The following ACTR3C variants were observed in gnomAD, a reference collection of about 807,000 sequenced individuals.
The protein encoded by ACTR3C is actin related protein 3C.
Under a neutral mutation model 26.3 loss-of-function variants are expected in ACTR3C, and 18 were observed. That is an observed-to-expected ratio of 0.68 (90% CI 0.47 to 1.01). ACTR3C has a LOEUF of 1.01. ACTR3C is among the 50% of genes least tolerant of loss of function. ACTR3C has a pLI of 0.00. For synonymous variants in ACTR3C, 55 were observed against 94.5 expected, an observed-to-expected ratio of 0.58 and a Z score of 2.42; for missense variants, 184 against 250.7, an observed-to-expected ratio of 0.73 and a Z score of 1.80.
chr7:150,193,948 T>TA, the ACTR3C span, among the ~76,000 whole-genome samples: 134 of 141,600 alleles, frequency 9.5e-4, no homozygotes, highest in African/African-American at 2.0e-3. Flanking sequence ...ATGCCTGCTT[T>TA]AAAAAAATAT....
the ACTR3C span, among the ~76,000 whole-genome samples, chr7:150,180,197 C>G: frequency 6.9e-6 from 1 of 145,196 alleles, no homozygotes; most frequent in Admixed American, 6.7e-5. Context: ...CCCAGCTACT[C>G]GGGAGGCTGA....
At chr7:150,089,397 A>G in the ACTR3C span, among the ~76,000 whole-genome samples, 1 of 152,228 alleles carries the variant, frequency 6.6e-6, no homozygotes, top group South Asian at 2.1e-4. Context: ...ATTGCTAGAA[A>G]GTAGGACAGT....
At chr7:150,159,802 G>T in the ACTR3C span, among the ~76,000 whole-genome samples, 386 of 150,728 alleles carry the variant, frequency 2.6e-3, 1 homozygote, top group Non-Finnish European at 4.3e-3. Flanking sequence ...TTGTTTGTTT[G>T]TTTTTTTGTT....
At chr7:150,066,671 A>G in the ACTR3C span, among the ~76,000 whole-genome samples, 12 of 152,240 alleles carry the variant, frequency 7.9e-5, no homozygotes, top group Non-Finnish European at 1.6e-4. Context: ...CAGTAAAATC[A>G]TCTCAATGAG....
At chr7:150,048,257 C>A in the ACTR3C span, among the ~76,000 whole-genome samples, 2 of 152,202 alleles carry the variant, frequency 1.3e-5, no homozygotes, top group Non-Finnish European at 2.9e-5. Context: ...TAGAAACCCG[C>A]ACACATTCCG....
At chr7:150,184,593 C>T in the ACTR3C span, among the ~76,000 whole-genome samples, 1 of 150,362 alleles carries the variant, frequency 6.7e-6, no homozygotes, top group Non-Finnish European at 1.5e-5. Context: ...AGGACAGCAT[C>T]CTAGAGAGAT....
chr7:150,089,842 G>C, the ACTR3C span, among the ~76,000 whole-genome samples: 1 of 152,230 alleles, frequency 6.6e-6, no homozygotes, highest in Admixed American at 6.5e-5. Flanking sequence ...CACAAGTCTG[G>C]CATGAAAGCC....
At chr7:150,041,826 A>G in the ACTR3C span, among the ~76,000 whole-genome samples, 2 of 135,886 alleles carry the variant, frequency 1.5e-5, no homozygotes, top group South Asian at 2.5e-4. Context: ...GGGTACTAAG[A>G]GCCAGGGGTG....
At chr7:149,926,175 G>A in the ACTR3C span, among the ~76,000 whole-genome samples, 3 of 152,114 alleles carry the variant, frequency 2.0e-5, no homozygotes, top group Non-Finnish European at 4.4e-5. Context: ...GAATAAATCC[G>A]ATTGCCTAAA....
At chr7:150,237,810 A>G in the ACTR3C span, among the ~76,000 whole-genome samples, 2 of 151,028 alleles carry the variant, frequency 1.3e-5, no homozygotes, top group African/African-American at 4.9e-5. Flanking sequence ...CATACCCTAG[A>G]AGTCACCCAA....
At chr7:150,047,663 C>T in the ACTR3C span, 522 of 1,020,790 alleles carry the variant, frequency 5.1e-4, 1 homozygote, top group Non-Finnish European at 5.4e-4. Context: ...GCCGGCCATC[C>T]GCGCCGCCGC....
the ACTR3C span, among the ~76,000 whole-genome samples, chr7:150,207,775 A>T: frequency 2.5e-3 from 377 of 152,236 alleles, no homozygotes; most frequent in Non-Finnish European, 3.8e-3. Flanking sequence ...CAGTCTTCAG[A>T]CCTCAAATAA....
chr7:150,316,483 A>G (rs73170172), intron 1 of ACTR3C, among the ~76,000 whole-genome samples: 4 of 80,528 alleles, frequency 5.0e-5, no homozygotes, highest in Admixed American at 2.7e-4. Context: ...GAATCTGGTT[A>G]TTTTTTTTTT....
chr7:150,017,748 C>T, the ACTR3C span, among the ~76,000 whole-genome samples: 1 of 149,878 alleles, frequency 6.7e-6, no homozygotes, highest in Non-Finnish European at 1.5e-5. Context: ...TCCTTTCACC[C>T]GTTATCCCCC....
the ACTR3C span, among the ~76,000 whole-genome samples, chr7:150,113,009 C>T: frequency 1.3e-5 from 2 of 152,154 alleles, no homozygotes; most frequent in South Asian, 2.1e-4. Context: ...TTATGCTGCA[C>T]TTACACACCT....
chr7:150,122,311 G>T, the ACTR3C span, among the ~76,000 whole-genome samples: 2 of 151,584 alleles, frequency 1.3e-5, no homozygotes, highest in African/African-American at 4.8e-5. Flanking sequence ...TCATCAGAGT[G>T]AACAGGGAGA....
At chr7:150,073,231 G>A in the ACTR3C span, among the ~76,000 whole-genome samples, 1 of 152,186 alleles carries the variant, frequency 6.6e-6, no homozygotes, top group Non-Finnish European at 1.5e-5. Context: ...ATCTTCTGTG[G>A]GTCAGGAAGC....
chr7:150,087,652 T>C, the ACTR3C span, among the ~76,000 whole-genome samples: 1 of 152,124 alleles, frequency 6.6e-6, no homozygotes, highest in Non-Finnish European at 1.5e-5. Context: ...GGCTGGAATA[T>C]GCAGGGTTGA....
chr7:150,040,239 A>C, the ACTR3C span, among the ~76,000 whole-genome samples: 22 of 145,998 alleles, frequency 1.5e-4, 1 homozygote, highest in South Asian at 1.1e-3. Context: ...TCCTTTAGAA[A>C]CCTGTCTAGT....
Sources: gnomAD v4.1 joint callset for allele counts (sites outside exome capture counted in the v4.1 genomes callset) on GRCh38, gnomAD v4.1.1 for gene constraint, MANE v1.5 for transcripts, NCBI Gene and HGNC (gene_info 2026-07-23, HGNC 2026-07-21) for gene names.